Variants in CPED1 observed in about 807,000 individuals in gnomAD.
CPED1 encodes the protein cadherin-like and PC-esterase domain-containing protein 1.
In CPED1, 114 loss-of-function variants were observed where a neutral mutation model predicts 128.2. The observed-to-expected ratio is 0.89, with a 90% CI of 0.76 to 1.04. The LOEUF (loss-of-function observed/expected upper bound fraction) is 1.04, where lower values mean the gene tolerates loss of function less well. Among genes scored for constraint, CPED1 ranks in the 50% least tolerant of loss-of-function variants. The probability of loss-of-function intolerance (pLI) is 0.00; values close to 1 mark genes in which losing one functional copy is unlikely to be tolerated. For synonymous variants in CPED1, 462 were observed against 426.7 expected (o/e 1.08, Z -1.02); for missense variants, 1,211 against 1,207.1 (o/e 1.00, Z -0.05).
chr7:121,057,127 G>A (rs1037875492), intron 4 of CPED1, among the ~76,000 whole-genome samples: 3 of 151,838 alleles, frequency 2.0e-5, no homozygotes, highest in African/African-American at 7.3e-5. Context: ...ACAGGTGCAC[G>A]CCACCAGACT....
At chr7:121,117,021 C>T (rs1229165159) in intron 7 of CPED1, among the ~76,000 whole-genome samples, 3 of 146,714 alleles carry the variant, frequency 2.0e-5, no homozygotes, top group Non-Finnish European at 3.0e-5. Flanking sequence ...TATATATACA[C>T]ACATTATATG....
chr7:121,233,462 C>G (rs1798182503), intron 16 of CPED1, among the ~76,000 whole-genome samples: 1 of 152,036 alleles, frequency 6.6e-6, no homozygotes, highest in Non-Finnish European at 1.5e-5. Context: ...GATGGGAGGA[C>G]TGCTTGAGCC....
intron 4 of CPED1, among the ~76,000 whole-genome samples, chr7:121,049,948 C>G (rs1793305500): frequency 6.6e-6 from 1 of 152,224 alleles, no homozygotes; most frequent in Non-Finnish European, 1.5e-5. Flanking sequence ...ATGCCCACAA[C>G]AAATACTTGT....
chr7:121,251,140 G>C (rs1446345042), intron 18 of CPED1, among the ~76,000 whole-genome samples: 1 of 151,772 alleles, frequency 6.6e-6, no homozygotes, highest in Non-Finnish European at 1.5e-5. Context: ...CTTCATCCCT[G>C]GGATGCAAGG....
intron 5 of CPED1, among the ~76,000 whole-genome samples, chr7:121,091,338 T>G (rs1584505574): frequency 6.6e-6 from 1 of 152,248 alleles, no homozygotes; most frequent in African/African-American, 2.4e-5. Flanking sequence ...ATAGTGTGTC[T>G]TTACAGGCCA....
At chr7:121,097,168 ATTG>A (rs1372924390) in intron 5 of CPED1, among the ~76,000 whole-genome samples, 2 of 152,118 alleles carry the variant, frequency 1.3e-5, no homozygotes, top group Non-Finnish European at 2.9e-5. Context: ...AACCATTATT[ATTG>A]TTCTTTATTT....
intron 5 of CPED1, among the ~76,000 whole-genome samples, chr7:121,089,849 G>A (rs1216061540): frequency 6.6e-6 from 1 of 152,090 alleles, no homozygotes; most frequent in African/African-American, 2.4e-5. Context: ...TGTTGCAGTA[G>A]TCAAGCATTT....
chr7:121,266,432 A>G lies in CPED1; in HGVS notation c.2516A>G (p.Glu839Gly), dbSNP rs1175239664. 1 of 1,612,102 alleles carries G rather than the reference A, an allele frequency of 6.2e-7. No individual in the cohort carries two copies. The highest frequency in any genetic ancestry group is 8.5e-7 in the Non-Finnish European group (1 of 1,178,496). ...SLRPTFENAL[E>G]HLLQRSRPLE... ...AGACCAACATTTGAAAATGCACTTG[A>G]ACACCTCTTGCAAAGGTACAATGAA... Residue 839 changes from glutamate (E) to glycine (G), a missense_variant, in exon 19 of 23, where the codon GAA becomes GGA. Glu to Gly is a moderately conservative substitution (Grantham distance 98). Transcript: ENST00000310396.
At position 121,120,983 on chromosome 7, in the gene CPED1, AAAAAC is replaced by A. The variant is rs1347512121; in HGVS notation, c.919-3343_919-3339del. On this transcript the variant is annotated intron_variant, in intron 7 of 22. Transcript: ENST00000310396. ...TCCTGACCTAAAAAAAAAAAAAAAA[AAAAAC>A]AAAAAAACTCACAGTCTAGCAGAAA... 1.2e-3 allele frequency among the ~76,000 whole-genome samples: 182 copies of A among 149,286 alleles called. 1 individual carries two copies. The highest frequency in any genetic ancestry group is 4.3e-3 in the African/African-American group (174 of 40,416).
chr7:121,009,261 A>G (rs1305431727), intron 2 of CPED1, among the ~76,000 whole-genome samples: 1 of 151,718 alleles, frequency 6.6e-6, no homozygotes, highest in Admixed American at 6.6e-5. Context: ...GGAGTGTTGG[A>G]CCATGGAATC....
intron 5 of CPED1, among the ~76,000 whole-genome samples, chr7:121,088,327 A>G (rs1219654224): frequency 2.0e-5 from 3 of 152,138 alleles, no homozygotes; most frequent in Non-Finnish European, 4.4e-5. Context: ...AAATGATAAG[A>G]GATGATTACA....
intron 16 of CPED1, among the ~76,000 whole-genome samples, chr7:121,227,175 G>T (rs777775328): frequency 6.6e-6 from 1 of 152,016 alleles, no homozygotes; most frequent in Non-Finnish European, 1.5e-5. Flanking sequence ...GGCCATATAG[G>T]TCATGTTTAC....
At chr7:121,075,870 A>G (rs1006658301) in intron 5 of CPED1, among the ~76,000 whole-genome samples, 1 of 152,166 alleles carries the variant, frequency 6.6e-6, no homozygotes, top group Non-Finnish European at 1.5e-5. Context: ...AGCTTTTTAA[A>G]AAATCGTTGC....
At position 121,173,747 on chromosome 7, in the gene CPED1, C is replaced by G. The variant is rs1796709866; in HGVS notation, c.2055+31606C>G. On this transcript the variant is annotated intron_variant, in intron 16 of 22. Coordinates refer to ENST00000310396, the MANE Select transcript of CPED1 (RefSeq NM_024913.5). ...ATGTATATTCTTCCAGGTATATACC[C>G]AAAAATGATATTGCTGGGTCAAATT... Among the ~76,000 whole-genome samples, 5 of 151,966 alleles carry G rather than the reference C, an allele frequency of 3.3e-5. No homozygotes were observed. In the South Asian group the frequency reaches 1.0e-3, roughly 32 times the overall value.
intron 16 of CPED1, among the ~76,000 whole-genome samples, chr7:121,190,900 C>T (rs963451992): frequency 1.3e-5 from 2 of 152,080 alleles, no homozygotes; most frequent in African/African-American, 4.8e-5. Context: ...CTAGTGAAGT[C>T]ATCTAAGTTA....
At position 121,157,487 on chromosome 7, in the gene CPED1, C is replaced by T. The variant is rs1383601179; in HGVS notation, c.2055+15346C>T. On this transcript the variant is annotated intron_variant, in intron 16 of 22. Transcript: ENST00000310396. ...GGTGTGTTTCTAGCTGTAGGATTGACCAGTAGCTCTGTGGCCAGTAGCCAG... is the reference window on the plus strand; with the variant it reads ...GGTGTGTTTCTAGCTGTAGGATTGATCAGTAGCTCTGTGGCCAGTAGCCAG... Among the ~76,000 whole-genome samples, 3 of 152,080 alleles carry T rather than the reference C, an allele frequency of 2.0e-5. No homozygotes were observed. In the East Asian group the frequency reaches 5.8e-4, roughly 29 times the overall value.
At chr7:121,092,237 T>G (rs1018886563) in intron 5 of CPED1, among the ~76,000 whole-genome samples, 3 of 152,176 alleles carry the variant, frequency 2.0e-5, no homozygotes, top group Non-Finnish European at 4.4e-5. Context: ...TACATTGTGG[T>G]AGCGAGAGAA....
chr7:121,232,817 A>G (rs2116655329), intron 16 of CPED1, among the ~76,000 whole-genome samples: 1 of 152,270 alleles, frequency 6.6e-6, no homozygotes, highest in South Asian at 2.1e-4. Flanking sequence ...GGCATTTAAA[A>G]TTGTTTAGAC....
At chr7:121,253,985 G>A (rs986991203) in intron 18 of CPED1, among the ~76,000 whole-genome samples, 2 of 152,026 alleles carry the variant, frequency 1.3e-5, no homozygotes, top group African/African-American at 4.8e-5. Flanking sequence ...ACACCCCACT[G>A]ACAGCATTAG....
Sources: allele counts gnomAD v4.1 joint callset (sites outside exome capture counted in the v4.1 genomes callset), GRCh38; gene constraint gnomAD v4.1.1; transcripts MANE v1.5; gene names NCBI Gene and HGNC (gene_info 2026-07-23, HGNC 2026-07-21).